ITPR1: variants seen among roughly 807,000 people sequenced by gnomAD.
ITPR1 encodes the protein inositol 1,4,5-trisphosphate-gated calcium channel ITPR1.
ITPR1 carries 96 observed loss-of-function variants against 318.4 expected under a neutral mutation model. That is an observed-to-expected ratio of 0.30 (90% CI 0.26 to 0.36). The LOEUF (loss-of-function observed/expected upper bound fraction) is 0.36. Ranked by LOEUF, ITPR1 falls within the 10% of genes least tolerant of loss-of-function variation. The pLI is 1.00. For missense variants in ITPR1, 2,440 were observed against 3,460.2 expected (o/e 0.71, Z 7.40); for synonymous variants, 1,312 against 1,289.9 (o/e 1.02, Z -0.37).
Position 4,713,164 on chromosome 3 carries a change from A to G in ITPR1, c.5103+1296A>G, listed in dbSNP as rs555100928. 1.3e-5 allele frequency among the ~76,000 whole-genome samples: 2 copies of G among 152,324 alleles called. 1 individual carries two copies. The highest frequency in any genetic ancestry group is 4.1e-4 in the South Asian group (2 of 4,826). ...ATAAATATTAACCATTTATTTCACA[A>G]GATCTTCATTTCTCTTAAAGTGAGT... is the stretch of plus-strand genomic sequence containing the variant. On this transcript the variant is annotated intron_variant, in intron 39 of 61. Coordinates refer to ENST00000649015, the MANE Select transcript of ITPR1 (RefSeq NM_001378452.1).
At chr3:4,757,451 T>A (rs1019795590) in intron 44 of ITPR1, among the ~76,000 whole-genome samples, 4 of 152,124 alleles carry the variant, frequency 2.6e-5, no homozygotes, top group African/African-American at 9.7e-5. Context: ...TTTATGCCTC[T>A]GAAAGACCTG....
In ITPR1 at chr3:4,706,681, A is replaced by G. The variant is rs915806642; in HGVS notation, c.4842+330A>G. 3.3e-5 allele frequency among the ~76,000 whole-genome samples: 5 copies of G among 152,208 alleles called. No homozygotes were observed. The South Asian group carries it at 1.0e-3, about 32-fold the overall frequency. On this transcript the variant is annotated intron_variant, in intron 37 of 61. Coordinates refer to ENST00000649015, the MANE Select transcript of ITPR1 (RefSeq NM_001378452.1). ...AGAGCATAAATGTTCCATTTTCCCCATCACTCTGGGGTTATTTAGCCTCTT... is the reference window on the plus strand; with the variant it reads ...AGAGCATAAATGTTCCATTTTCCCCGTCACTCTGGGGTTATTTAGCCTCTT...
chr3:4,774,575 TG>T (rs1309768036), intron 46 of ITPR1, among the ~76,000 whole-genome samples: 1 of 152,226 alleles, frequency 6.6e-6, no homozygotes, highest in Non-Finnish European at 1.5e-5. Context: ...GTTGGGTGAA[TG>T]TGGCTTTTTA....
Position 4,511,063 on chromosome 3 carries a change from C to T in ITPR1, c.-16-5413C>T, listed in dbSNP as rs56272076. ...TTTGGTACATTGAGATGCCGTGAGC[C>T]GCTAGGAGCAAAACTCTAGTAGCTG... is the stretch of plus-strand genomic sequence containing the variant. On this transcript the variant is annotated intron_variant, in intron 2 of 61. Transcript: ENST00000649015. Among the ~76,000 whole-genome samples the T allele has an allele frequency of 5.3e-3, 801 of 152,060 alleles. 9 individuals are homozygous for T. Among genetic ancestry groups the T allele is most frequent in the African/African-American group, 0.018 (753 of 41,470 alleles).
chr3:4,681,624 A>AGTATGTGTGTGTATGTGTGTGT (rs373511110), intron 26 of ITPR1, among the ~76,000 whole-genome samples: 1 of 145,788 alleles, frequency 6.9e-6, no homozygotes, highest in African/African-American at 2.5e-5. Flanking sequence ...AGAGAGAGAA[A>AGTATGTGTGTGTATGTGTGTGT]GTGTGTGTGT....
chr3:4,817,336 G>A (rs2049368742), intron 59 of ITPR1: 1 of 152,200 alleles, frequency 6.6e-6, no homozygotes, highest in African/African-American at 2.4e-5. Flanking sequence ...TAGAGGAGAG[G>A]TGTATGCATC....
chr3:4,744,376 G>A (rs752047889), intron 44 of ITPR1, among the ~76,000 whole-genome samples: 2 of 152,178 alleles, frequency 1.3e-5, no homozygotes, highest in African/African-American at 4.8e-5. Context: ...AGTGACTTCC[G>A]AGTGTGAGAT....
chr3:4,692,681 G>A (rs1158254540), intron 32 of ITPR1, among the ~76,000 whole-genome samples: 4 of 152,184 alleles, frequency 2.6e-5, no homozygotes, highest in Non-Finnish European at 5.9e-5. Flanking sequence ...CCTCATCTTA[G>A]GGGACAAGTT....
intron 8 of ITPR1, 72 bp downstream of exon 8, chr3:4,644,306 C>T (rs12330450): frequency 2.0e-5 from 20 of 1,010,934 alleles, no homozygotes; most frequent in African/African-American, 8.0e-5. Flanking sequence ...CCAGTGCATG[C>T]GTGTGCTGAG....
At position 4,683,463 on chromosome 3, in the gene ITPR1, A is replaced by T; in HGVS notation, c.3239A>T (p.His1080Leu). 2 of 1,614,052 alleles carry T rather than the reference A, an allele frequency of 1.2e-6. No individual in the cohort carries two copies. The highest frequency in any genetic ancestry group is 8.5e-7 in the Non-Finnish European group (1 of 1,179,900). The part of the protein sequence containing the change: ...FLRVLLHLTM[H>L]DYPPLVSGAL... ...CGTGTCCTGCTCCACTTGACGATGC[A>T]TGACTACCCACCCCTGGTGTCAGGG... Residue 1080 changes from histidine to leucine, a missense_variant, in exon 27 of 62, where the codon CAT becomes CTT. By Grantham distance (99) the His-to-Leu change is moderately conservative. Transcript: ENST00000649015.
rs570899688 is a variant in ITPR1 at position 4,779,694 on chromosome 3, A to G, written c.6387+49A>G. The G allele has an allele frequency of 2.3e-6, 3 of 1,323,390 alleles. No homozygotes were observed. In the African/African-American group the frequency reaches 4.3e-5, roughly 19 times the overall value. 82.0% of individuals were successfully genotyped at this position (1,323,390 alleles called of 1,614,324 possible). On this transcript the variant is annotated intron_variant, in intron 49 of 61. Transcript: ENST00000649015. The surrounding 1 kb of genome is among the most constrained non-coding windows in gnomAD (Gnocchi z 4.0). ...GGTAGCACCAAGGAGCATTGCGACG[A>G]TATTTGGGACAGAGCAGAGGATCTG... is the stretch of plus-strand genomic sequence containing the variant.
At position 4,710,292 on chromosome 3, in the gene ITPR1, G is replaced by A. The variant is rs1342135796; in HGVS notation, c.4843-33G>A. On this transcript the variant is annotated intron_variant, in intron 37 of 61. Transcript: ENST00000649015. The surrounding 1 kb of genome is among the most constrained non-coding windows in gnomAD (Gnocchi z 4.2). ...ACCCTCCTGTGGTCAGCGTCTGCCT[G>A]AGCCGTTGACTGAGGCTGTGTTTCC... is the stretch of plus-strand genomic sequence containing the variant. 6.6e-7 allele frequency: 1 copy of A among 1,509,632 alleles called. No homozygotes were observed. Among genetic ancestry groups the A allele is most frequent in the Non-Finnish European group, 8.9e-7 (1 of 1,120,544 alleles). The allele number at this position is 1,509,632 out of a possible 1,614,324, so 93.5% of individuals were successfully genotyped here. A position where few individuals can be genotyped will look rare whatever the true frequency, so the allele number is the denominator to read the frequency against.
At position 4,826,148 on chromosome 3, in the gene ITPR1, C is replaced by T. The variant is rs751137463; in HGVS notation, c.8028+7906C>T. ...CAGCTCCTGGCTGTTGATAAAGTGC[C>T]GTGGACACCTTCTGCTTCGTGCAGA... is the stretch of plus-strand genomic sequence containing the variant. On this transcript the variant is annotated intron_variant, in intron 60 of 61. Coordinates refer to ENST00000649015, the MANE Select transcript of ITPR1 (RefSeq NM_001378452.1). This position sits in a 1 kb window ranked among gnomAD's most constrained non-coding sequence, Gnocchi z 4.2. Among the ~76,000 whole-genome samples the T allele has an allele frequency of 2.0e-5, 3 of 152,238 alleles. No homozygotes were observed. Among genetic ancestry groups the T allele is most frequent in the Non-Finnish European group, 2.9e-5 (2 of 68,042 alleles).
intron 39 of ITPR1, among the ~76,000 whole-genome samples, chr3:4,713,448 T>C (rs971730155): frequency 2.6e-5 from 4 of 152,224 alleles, no homozygotes; most frequent in Non-Finnish European, 4.4e-5. Flanking sequence ...CAGTTGTCTT[T>C]TTATAACCTG....
chr3:4,785,481 T>A (rs1246503532), intron 51 of ITPR1, among the ~76,000 whole-genome samples: 2 of 152,244 alleles, frequency 1.3e-5, no homozygotes, highest in Admixed American at 1.3e-4. Flanking sequence ...AAGAATGTGT[T>A]CTGACCTGAT....
At chr3:4,830,341 A>G (rs1193412588) in intron 60 of ITPR1, among the ~76,000 whole-genome samples, 1 of 152,026 alleles carries the variant, frequency 6.6e-6, no homozygotes, top group African/African-American at 2.4e-5. Context: ...TTTTTCACCA[A>G]AACCAACAGA....
intron 4 of ITPR1, among the ~76,000 whole-genome samples, chr3:4,524,569 C>A (rs2124935896): frequency 6.6e-6 from 1 of 152,276 alleles, no homozygotes; most frequent in South Asian, 2.1e-4. Context: ...TCTGAGCAAT[C>A]AGCAGAGCTG....
chr3:4,568,507 T>TG (rs1446818558), intron 4 of ITPR1, among the ~76,000 whole-genome samples: 3 of 152,072 alleles, frequency 2.0e-5, no homozygotes. Flanking sequence ...GAAGTGTGGC[T>TG]GGTAATATAG....
chr3:4,569,358 A>G (rs2087739076), intron 4 of ITPR1, among the ~76,000 whole-genome samples: 2 of 152,258 alleles, frequency 1.3e-5, no homozygotes, highest in African/African-American at 4.8e-5. Flanking sequence ...AACAGTTTCT[A>G]GTATTCTAAC....
Sources: allele counts gnomAD v4.1 joint callset (sites outside exome capture counted in the v4.1 genomes callset), GRCh38; gene constraint gnomAD v4.1.1; non-coding constraint Gnocchi (gnomAD v3.1); transcripts MANE v1.5; gene names NCBI Gene and HGNC (gene_info 2026-07-23, HGNC 2026-07-21).